CLIC4: variants seen among roughly 807,000 people sequenced by gnomAD.
CLIC4 encodes chloride intracellular channel protein 4.
In CLIC4, 13 loss-of-function variants were observed where a neutral mutation model predicts 24.6. That is an observed-to-expected ratio of 0.53 (90% CI 0.34 to 0.84). CLIC4 has a LOEUF of 0.84. Ranked by LOEUF, CLIC4 falls within the 40% of genes least tolerant of loss-of-function variation. The probability of loss-of-function intolerance (pLI) is 0.01; values close to 1 mark genes in which losing one functional copy is unlikely to be tolerated. For missense variants in CLIC4, 227 were observed against 301.7 expected, an observed-to-expected ratio of 0.75 and a Z score of 1.83; for synonymous variants, 104 against 111.3, an observed-to-expected ratio of 0.93 and a Z score of 0.41.
chr1:24,798,899 G>T (rs1465280799), intron 2 of CLIC4, among the ~76,000 whole-genome samples: 1 of 152,244 alleles, frequency 6.6e-6, no homozygotes, highest in Admixed American at 6.5e-5. Flanking sequence ...CGCCAGCCTC[G>T]GCCTCCCGAG....
At chr1:24,808,311 A>AG (rs1639574786) in intron 2 of CLIC4, among the ~76,000 whole-genome samples, 1 of 152,186 alleles carries the variant, frequency 6.6e-6, no homozygotes, top group African/African-American at 2.4e-5. Context: ...CAAAATCCAC[A>AG]GATGCTCAAG....
At chr1:24,798,867 C>G (rs1468642455) in intron 2 of CLIC4, among the ~76,000 whole-genome samples, 1 of 152,254 alleles carries the variant, frequency 6.6e-6, no homozygotes, top group Non-Finnish European at 1.5e-5. Context: ...GGCAGGTCTC[C>G]AGCCCCTAAC....
chr1:24,807,042 G>T (rs993831385), intron 2 of CLIC4, among the ~76,000 whole-genome samples: 2 of 151,856 alleles, frequency 1.3e-5, no homozygotes, highest in African/African-American at 4.8e-5. Context: ...GTGCTCTCTA[G>T]TCCCAGCTAC....
At chr1:24,824,469 T>C (rs1639767295) in intron 3 of CLIC4, among the ~76,000 whole-genome samples, 1 of 152,086 alleles carries the variant, frequency 6.6e-6, no homozygotes, top group African/African-American at 2.4e-5. Context: ...AGTTTTGCCA[T>C]GTTGGCCAGG....
intron 3 of CLIC4, among the ~76,000 whole-genome samples, chr1:24,824,965 A>G (rs2124165055): frequency 6.7e-6 from 1 of 149,470 alleles, no homozygotes; most frequent in Middle Eastern, 3.5e-3. Context: ...CTGCCACTAC[A>G]CTCCACCCTG....
Position 24,794,481 on chromosome 1 carries a change from T to C in CLIC4, c.73-3261T>C, listed in dbSNP as rs569945125. On this transcript the variant is annotated intron_variant, in intron 1 of 5. Coordinates refer to ENST00000374379, the MANE Select transcript of CLIC4 (RefSeq NM_013943.3). ...TTTTTCATATGCTTGTTGGGCCACA[T>C]GTATGTCTTCTTTTGAAAAGTGTCT... Among the ~76,000 whole-genome samples the C allele has an allele frequency of 2.6e-5, 4 of 152,250 alleles. No homozygotes were observed. The East Asian group carries it at 5.8e-4, about 22-fold the overall frequency.
intron 1 of CLIC4, among the ~76,000 whole-genome samples, chr1:24,780,516 G>C (rs1308618459): frequency 6.6e-6 from 1 of 152,164 alleles, no homozygotes; most frequent in African/African-American, 2.4e-5. Context: ...CTGGCTCTTT[G>C]CATGGCTGTT....
At chr1:24,826,937 C>A (rs1024153278) in intron 3 of CLIC4, 73 bp from the exon 4 acceptor site, 20 of 960,554 alleles carry the variant, frequency 2.1e-5, no homozygotes, top group Non-Finnish European at 4.8e-6. Flanking sequence ...TAACTGCTAG[C>A]ATGGTGGTTT....
chr1:24,824,712 G>A (rs1639769336), intron 3 of CLIC4, among the ~76,000 whole-genome samples: 1 of 152,048 alleles, frequency 6.6e-6, no homozygotes, highest in East Asian at 1.9e-4. Flanking sequence ...TAAATTAATA[G>A]TACAGGCTGG....
intron 1 of CLIC4, among the ~76,000 whole-genome samples, chr1:24,746,962 T>C (rs2124071221): frequency 6.6e-6 from 1 of 152,192 alleles, no homozygotes; most frequent in African/African-American, 2.4e-5. Flanking sequence ...CATTCCAGCC[T>C]GGGCGACAGA....
chr1:24,797,328 C>A (rs1639415883), intron 1 of CLIC4, among the ~76,000 whole-genome samples: 5 of 151,586 alleles, frequency 3.3e-5, no homozygotes, highest in Admixed American at 3.3e-4. Flanking sequence ...AATCCCAGCA[C>A]TTTAGGAGGC....
chr1:24,754,361 G>A (rs1638815564), intron 1 of CLIC4, among the ~76,000 whole-genome samples: 1 of 152,180 alleles, frequency 6.6e-6, no homozygotes, highest in South Asian at 2.1e-4. Flanking sequence ...GTGCCTAGAA[G>A]CCAGTAAGTA....
At chr1:24,804,812 A>G (rs1639530701) in intron 2 of CLIC4, among the ~76,000 whole-genome samples, 1 of 152,074 alleles carries the variant, frequency 6.6e-6, no homozygotes, top group Non-Finnish European at 1.5e-5. Context: ...TATAGACTCT[A>G]TATTTGGGCC....
In CLIC4 at chr1:24,745,521, C is replaced by T. The variant is rs753433930; in HGVS notation, c.-33C>T. The T allele has an allele frequency of 7.3e-5, 113 of 1,556,924 alleles. No homozygotes were observed. Among genetic ancestry groups the T allele is most frequent in the Middle Eastern group, 4.4e-4 (2 of 4,544 alleles). ...CAGAAGCAGCAGCAGCAGCAGCAGC[C>T]CTCGCCGTTCGCGGAGCGCAGCCGA... On this transcript the variant is annotated 5_prime_UTR_variant, in exon 1 of 6. Transcript: ENST00000374379.
intron 1 of CLIC4, among the ~76,000 whole-genome samples, chr1:24,792,108 T>G (rs1639346753): frequency 6.7e-6 from 1 of 149,678 alleles, no homozygotes; most frequent in Non-Finnish European, 1.5e-5. Flanking sequence ...TGTATATACA[T>G]AAATTATACA....
chr1:24,808,107 T>G (rs1639572262), intron 2 of CLIC4, among the ~76,000 whole-genome samples: 2 of 152,182 alleles, frequency 1.3e-5, no homozygotes. Flanking sequence ...CCACTATGCC[T>G]GGCTAATTTT....
Position 24,841,826 on chromosome 1 carries a change from A to T in CLIC4, c.*889A>T, listed in dbSNP as rs1331812102. 1.3e-5 allele frequency: 2 copies of T among 152,644 alleles called. No homozygotes were observed. The highest frequency in any genetic ancestry group is 4.8e-5 in the African/African-American group (2 of 41,446). The allele number at this position is 152,644 out of a possible 1,614,324, so 9.5% of individuals were successfully genotyped here. A position where few individuals can be genotyped will look rare whatever the true frequency, so the allele number is the denominator to read the frequency against. Reference sequence around the variant, plus strand: ...TTGCTATTTGTACATCTGTTGAGCAACACTACATAACTGATTTTTAGTTGA... The same window carrying T: ...TTGCTATTTGTACATCTGTTGAGCATCACTACATAACTGATTTTTAGTTGA... On this transcript the variant is annotated 3_prime_UTR_variant, in exon 6 of 6. Transcript: ENST00000374379.
intron 1 of CLIC4, 108 bp from the exon 2 acceptor site, chr1:24,797,634 G>T: frequency 2.3e-5 from 14 of 621,716 alleles, no homozygotes; most frequent in East Asian, 6.6e-5. Flanking sequence ...CTTCCACAAT[G>T]TAACTTTTCC....
At chr1:24,806,276 T>G (rs993945783) in intron 2 of CLIC4, among the ~76,000 whole-genome samples, 17 of 152,214 alleles carry the variant, frequency 1.1e-4, no homozygotes, top group African/African-American at 3.4e-4. Context: ...ACCTGAGGCC[T>G]GAGAGGGCAG....
Sources: gnomAD v4.1 joint callset for allele counts (sites outside exome capture counted in the v4.1 genomes callset) on GRCh38, gnomAD v4.1.1 for gene constraint, MANE v1.5 for transcripts, NCBI Gene and HGNC (gene_info 2026-07-23, HGNC 2026-07-21) for gene names.